The following ICA1 variants were observed in gnomAD, a reference collection of about 807,000 sequenced individuals.
The protein encoded by ICA1 is 69 kDa islet cell autoantigen.
ICA1 carries 40 observed loss-of-function variants against 71.0 expected under a neutral mutation model. The ratio of observed to expected loss-of-function variants is 0.56; its 90% CI spans 0.44 to 0.73. ICA1 has a LOEUF of 0.73. Ranked by LOEUF, ICA1 falls within the 30% of genes least tolerant of loss-of-function variation. ICA1 has a pLI of 0.00. For synonymous variants in ICA1, 207 were observed against 209.5 expected (o/e 0.99, Z 0.10); for missense variants, 578 against 576.5 (o/e 1.00, Z -0.03).
intron 8 of ICA1, among the ~76,000 whole-genome samples, chr7:8,155,436 G>C: frequency 6.6e-6 from 1 of 152,182 alleles, no homozygotes; most frequent in East Asian, 1.9e-4. Context: ...ATTTTCCTCA[G>C]CACAGGAGGC....
intron 4 of ICA1, among the ~76,000 whole-genome samples, chr7:8,227,310 C>T (rs987951597): frequency 6.6e-6 from 1 of 152,072 alleles, no homozygotes; most frequent in Non-Finnish European, 1.5e-5. Context: ...GTTAGTAAAC[C>T]AAGTGAGAGA....
intron 6 of ICA1, among the ~76,000 whole-genome samples, chr7:8,172,429 T>C (rs537740384): frequency 6.6e-5 from 10 of 152,260 alleles, no homozygotes; most frequent in Non-Finnish European, 1.5e-4. Context: ...AGGCTATATA[T>C]TAATCTATCC....
rs553830146 is a variant in ICA1, at chr7:8,128,188, G to A, written c.1061-46C>T. The A allele has an allele frequency of 1.6e-5, 25 of 1,588,632 alleles. No individual in the cohort carries two copies. The Admixed American group carries it at 2.2e-4, about 14-fold the overall frequency. On this transcript the variant is annotated intron_variant, in intron 12 of 13. Coordinates refer to ENST00000402384, the MANE Select transcript of ICA1 (RefSeq NM_001136020.3). ...CAAAACGTCACCACGGAGGGCTCAA[G>A]CCCTCAGGAATCAATGCTGTGGGGG...
rs1349345336 is a variant in ICA1, at chr7:8,113,949, T to C, written c.1426A>G (p.Lys476Glu). The change falls in exon 14 of 14, where the codon AAA becomes GAA. Residue 476 changes from lysine (K) to glutamate (E), a missense_variant. Physicochemically the swap from Lys to Glu is moderately conservative, Grantham distance 56. Coordinates refer to ENST00000402384, the MANE Select transcript of ICA1 (RefSeq NM_001136020.3). The surrounding 1 kb of genome is among the most constrained non-coding windows in gnomAD (Gnocchi z 4.2). ...SNPDAVGKTD[K>E]EHELLNA is the part of the protein sequence containing the mutation. ...CATGCATTGAGCAATTCGTGTTCTT[T>C]ATCGGTTTTCCCAACAGCATCAGGA... 6.2e-7 allele frequency: 1 copy of C among 1,614,178 alleles called. No individual in the cohort carries two copies. The highest frequency in any genetic ancestry group is 8.5e-7 in the Non-Finnish European group (1 of 1,180,032).
At chr7:8,164,982 T>TGGG (rs1302099845) in intron 6 of ICA1, among the ~76,000 whole-genome samples, 1 of 152,154 alleles carries the variant, frequency 6.6e-6, no homozygotes, top group East Asian at 1.9e-4. Flanking sequence ...AGAGTTAAGG[T>TGGG]GGGAGGATTG....
intron 4 of ICA1, among the ~76,000 whole-genome samples, chr7:8,228,343 C>T (rs1222574805): frequency 6.6e-6 from 1 of 151,844 alleles, no homozygotes; most frequent in African/African-American, 2.4e-5. Context: ...ACTGAGAAAA[C>T]TCTTTTATAA....
At chr7:8,245,369 T>C (rs2128502616) in intron 1 of ICA1, among the ~76,000 whole-genome samples, 1 of 137,968 alleles carries the variant, frequency 7.2e-6, no homozygotes, top group Admixed American at 7.6e-5. Context: ...ATGAGAACAC[T>C]TGGTCACTGG....
rs1273113256 is a variant in ICA1, at chr7:8,223,314, T to C, written c.257-1916A>G. On this transcript the variant is annotated intron_variant, in intron 4 of 13. Coordinates refer to ENST00000402384, the MANE Select transcript of ICA1 (RefSeq NM_001136020.3). This position sits in a 1 kb window ranked among gnomAD's most constrained non-coding sequence, Gnocchi z 4.1. ...AGCTTAAGGCTAGGAAGAAACCAAT[T>C]TGTGGTACCTGAATAATTACATGGT... Among the ~76,000 whole-genome samples, 2 of 152,208 alleles carry C rather than the reference T, an allele frequency of 1.3e-5. No homozygotes were observed. Among genetic ancestry groups the C allele is most frequent in the Non-Finnish European group, 2.9e-5 (2 of 68,026 alleles).
chr7:8,186,979 G>A (rs1784112270), intron 6 of ICA1, among the ~76,000 whole-genome samples: 2 of 152,160 alleles, frequency 1.3e-5, no homozygotes, highest in African/African-American at 4.8e-5. Flanking sequence ...GAATGTTTAT[G>A]TTGTGCTTAA....
At chr7:8,156,906 C>T in intron 8 of ICA1, 1 of 1,522,444 alleles carries the variant, frequency 6.6e-7, no homozygotes, top group Non-Finnish European at 8.8e-7. Context: ...AGTAGATTCT[C>T]ATTGTATTGA....
In ICA1 at chr7:8,241,850, C is replaced by T. The variant is rs558205365; in HGVS notation, c.-79-5845G>A. Reference sequence around the variant, plus strand: ...TTACATAATGGTAAAGGGGTCAATTCGACAAGAAGAGTTAACTATCCTAAA... The same window carrying T: ...TTACATAATGGTAAAGGGGTCAATTTGACAAGAAGAGTTAACTATCCTAAA... On this transcript the variant is annotated intron_variant, in intron 1 of 13. Transcript: ENST00000402384. Among the ~76,000 whole-genome samples, 10 of 152,250 alleles carry T rather than the reference C, an allele frequency of 6.6e-5. No homozygotes were observed. The East Asian group carries it at 7.7e-4, about 12-fold the overall frequency.
At chr7:8,172,793 G>A (rs985652169) in intron 6 of ICA1, among the ~76,000 whole-genome samples, 5 of 151,978 alleles carry the variant, frequency 3.3e-5, no homozygotes, top group Admixed American at 1.3e-4. Flanking sequence ...TTCTTGTTAC[G>A]CAATTTCTGG....
chr7:8,185,161 T>C (rs998434572), intron 6 of ICA1, among the ~76,000 whole-genome samples: 27 of 151,948 alleles, frequency 1.8e-4, no homozygotes, highest in Non-Finnish European at 4.0e-4. Context: ...AAAAGTCAGC[T>C]CAAATTCAAA....
chr7:8,148,595 TAAAG>T (rs1797818124), intron 8 of ICA1, among the ~76,000 whole-genome samples: 4 of 152,310 alleles, frequency 2.6e-5, no homozygotes, highest in African/African-American at 9.6e-5. Flanking sequence ...TTGTTTTGCT[TAAAG>T]TCACAGTTTC....
intron 1 of ICA1, among the ~76,000 whole-genome samples, chr7:8,256,356 C>G (rs2128550006): frequency 6.6e-6 from 1 of 152,264 alleles, no homozygotes; most frequent in East Asian, 1.9e-4. Flanking sequence ...TACATCCTGG[C>G]TCCCTTCCCC....
chr7:8,246,477 C>A (rs775615768), intron 1 of ICA1, among the ~76,000 whole-genome samples: 1 of 152,180 alleles, frequency 6.6e-6, no homozygotes, highest in East Asian at 1.9e-4. Context: ...AGAGGTGGAA[C>A]TGCTGCTGAG....
rs200832195 is a variant in ICA1 at position 8,145,782 on chromosome 7, TAG to T, written c.805-1812_805-1811del. Among the ~76,000 whole-genome samples, 1,153 of 128,180 alleles carry T rather than the reference TAG, an allele frequency of 9.0e-3. 29 individuals are homozygous for T. The highest frequency in any genetic ancestry group is 0.084 in the South Asian group (349 of 4,154). The allele number at this position is 128,180 out of a possible 152,430, so 84.1% of individuals were successfully genotyped here. A position where few individuals can be genotyped will look rare whatever the true frequency, so the allele number is the denominator to read the frequency against. On this transcript the variant is annotated intron_variant, in intron 8 of 13. Coordinates refer to ENST00000402384, the MANE Select transcript of ICA1 (RefSeq NM_001136020.3). ...TATATATATATGTATATAAAATATATAGAGAGACAGTAGTCCTTTTAACCAAT... is the reference window on the plus strand; with the variant it reads ...TATATATATATGTATATAAAATATATAGAGACAGTAGTCCTTTTAACCAAT...
intron 12 of ICA1, among the ~76,000 whole-genome samples, chr7:8,128,638 G>A (rs1345755157): frequency 7.3e-5 from 1 of 13,686 alleles, no homozygotes; most frequent in African/African-American, 3.5e-4. Flanking sequence ...CAGTGAAGGG[G>A]AGGATGTCCA....
At position 8,160,721 on chromosome 7, in the gene ICA1, A is replaced by G. The variant is rs556175834; in HGVS notation, c.580-2069T>C. On this transcript the variant is annotated intron_variant, in intron 6 of 13. Coordinates refer to ENST00000402384, the MANE Select transcript of ICA1 (RefSeq NM_001136020.3). ...ATTCTTGGTCTACAGATCTGGGAAG[A>G]TCAAAGATCAGTAGCCACCCAGTTC... 4.6e-5 allele frequency among the ~76,000 whole-genome samples: 7 copies of G among 152,362 alleles called. No individual in the cohort carries two copies. The East Asian group carries it at 1.3e-3, about 29-fold the overall frequency.
Sources: allele counts gnomAD v4.1 joint callset (sites outside exome capture counted in the v4.1 genomes callset), GRCh38; gene constraint gnomAD v4.1.1; non-coding constraint Gnocchi (gnomAD v3.1); transcripts MANE v1.5; gene names NCBI Gene and HGNC (gene_info 2026-07-23, HGNC 2026-07-21).